Variants in FSD1L observed in about 807,000 individuals in gnomAD.
FSD1L encodes the protein FSD1-like protein.
FSD1L carries 45 observed loss-of-function variants against 71.6 expected under a neutral mutation model. The ratio of observed to expected loss-of-function variants is 0.63; its 90% confidence interval spans 0.49 to 0.81. The LOEUF is 0.81. Among genes scored for constraint, FSD1L ranks in the 30% least tolerant of loss-of-function variants. The pLI, the probability that FSD1L is intolerant of heterozygous loss-of-function variation, is 0.00. For missense variants in FSD1L, 561 were observed against 618.1 expected (o/e 0.91, Z 0.98); for synonymous variants, 197 against 207.2 (o/e 0.95, Z 0.42).
At chr9:105,521,153 G>A in intron 10 of FSD1L, 1 of 1,613,946 alleles carries the variant, frequency 6.2e-7, no homozygotes, top group South Asian at 1.1e-5. Flanking sequence ...CTTTCATTAA[G>A]GCTCGTGTTA....
rs1837265529 is a variant in FSD1L, at chr9:105,551,604, T to C, written c.*5121T>C. 6.6e-6 allele frequency: 1 copy of C among 152,226 alleles called. No individual in the cohort carries two copies. Among genetic ancestry groups the C allele is most frequent in the African/African-American group, 2.4e-5 (1 of 41,468 alleles). The allele number at this position is 152,226 out of a possible 1,614,324, so 9.4% of individuals were successfully genotyped here. ...TTGATAAAGCGTGTGCTTAAAGTGG[T>C]ATCACCAGTGATTTCTAACATGATT... On this transcript the variant is annotated 3_prime_UTR_variant, in exon 14 of 14. Transcript: ENST00000481272.
In FSD1L at chr9:105,542,076, A is replaced by G. The variant is rs547111940; in HGVS notation, c.1467+2725A>G. Among the ~76,000 whole-genome samples the G allele has an allele frequency of 2.0e-5, 3 of 152,346 alleles. No homozygotes were observed. The East Asian group carries it at 5.8e-4, about 29-fold the overall frequency. On this transcript the variant is annotated intron_variant, in intron 13 of 13. Transcript: ENST00000481272. ...TGGGGCAGTTATGAATAAAATCACT[A>G]TAAGCATTTACATATGGGATTTTCC...
At chr9:105,500,496 C>T (rs185732064) in intron 7 of FSD1L, among the ~76,000 whole-genome samples, 20 of 152,280 alleles carry the variant, frequency 1.3e-4, no homozygotes, top group Non-Finnish European at 7.3e-5. Context: ...TTTCCCTTTC[C>T]CCAGGTCACT....
At chr9:105,538,852 A>G (rs1482056183) in intron 12 of FSD1L, among the ~76,000 whole-genome samples, 1 of 152,166 alleles carries the variant, frequency 6.6e-6, no homozygotes, top group Non-Finnish European at 1.5e-5. Context: ...CATCAGGTAG[A>G]TAGAAGACAA....
chr9:105,486,338 GGTTT>G (rs573462719), intron 7 of FSD1L, among the ~76,000 whole-genome samples: 326 of 152,184 alleles, frequency 2.1e-3, no homozygotes, highest in Non-Finnish European at 4.0e-3. Flanking sequence ...AATTTAAAAT[GGTTT>G]GTTCTTTTCA....
intron 7 of FSD1L, among the ~76,000 whole-genome samples, chr9:105,499,527 A>G (rs892524699): frequency 2.0e-5 from 3 of 151,912 alleles, no homozygotes; most frequent in African/African-American, 7.3e-5. Flanking sequence ...GATAATTTCA[A>G]GGTATACAGA....
intron 10 of FSD1L, chr9:105,521,087 T>C: frequency 6.2e-7 from 1 of 1,613,646 alleles, no homozygotes; most frequent in Non-Finnish European, 8.5e-7. Context: ...AGCCACATTA[T>C]GTCATGATAA....
At chr9:105,489,302 T>G (rs533843223) in intron 7 of FSD1L, among the ~76,000 whole-genome samples, 2 of 152,262 alleles carry the variant, frequency 1.3e-5, no homozygotes, top group Non-Finnish European at 2.9e-5. Flanking sequence ...GCTTTGGAGT[T>G]CTGAGTAAAA....
At chr9:105,489,401 T>C (rs767893684) in intron 7 of FSD1L, among the ~76,000 whole-genome samples, 2 of 152,144 alleles carry the variant, frequency 1.3e-5, no homozygotes, top group Non-Finnish European at 1.5e-5. Flanking sequence ...AAATTATATT[T>C]AAAGAAATGT....
chr9:105,457,610 G>A (rs553812494), intron 1 of FSD1L, among the ~76,000 whole-genome samples: 62 of 152,358 alleles, frequency 4.1e-4, no homozygotes, highest in African/African-American at 1.1e-3. Context: ...TTCTTAACCA[G>A]CTAGAAACCT....
At chr9:105,504,677 C>A (rs1833948725) in intron 7 of FSD1L, among the ~76,000 whole-genome samples, 1 of 152,144 alleles carries the variant, frequency 6.6e-6, no homozygotes, top group African/African-American at 2.4e-5. Context: ...TGCATGTAAC[C>A]TATGCACATC....
At chr9:105,462,382 G>T (rs1372951006) in intron 2 of FSD1L, among the ~76,000 whole-genome samples, 1 of 151,468 alleles carries the variant, frequency 6.6e-6, no homozygotes, top group East Asian at 1.9e-4. Context: ...CACCACGCCT[G>T]CCTAATTTTT....
intron 10 of FSD1L, among the ~76,000 whole-genome samples, chr9:105,515,438 T>C (rs1834651713): frequency 1.3e-5 from 2 of 152,136 alleles, no homozygotes; most frequent in African/African-American, 2.4e-5. Context: ...CCCAGCAAGA[T>C]AGACGCAGAA....
At chr9:105,519,386 G>A (rs1834963542) in intron 10 of FSD1L, among the ~76,000 whole-genome samples, 1 of 152,132 alleles carries the variant, frequency 6.6e-6, no homozygotes, top group East Asian at 1.9e-4. Flanking sequence ...GATGAACATT[G>A]ATGCGAAAAT....
chr9:105,451,142 G>T (rs1438536806), intron 1 of FSD1L, among the ~76,000 whole-genome samples: 1 of 152,074 alleles, frequency 6.6e-6, no homozygotes, highest in Non-Finnish European at 1.5e-5. Flanking sequence ...TGTATTTTTA[G>T]TAGAGACGGG....
intron 5 of FSD1L, among the ~76,000 whole-genome samples, chr9:105,473,979 G>T (rs1831635152): frequency 6.6e-6 from 1 of 152,176 alleles, no homozygotes; most frequent in African/African-American, 2.4e-5. Flanking sequence ...TTGTCTTGCA[G>T]CAGTTTATAG....
chr9:105,517,869 C>T (rs376358868), intron 10 of FSD1L, among the ~76,000 whole-genome samples: 3 of 152,100 alleles, frequency 2.0e-5, no homozygotes, highest in African/African-American at 4.8e-5. Flanking sequence ...GACTGGCAAA[C>T]TGGATAAAGA....
At chr9:105,539,854 C>G (rs1227940597) in intron 13 of FSD1L, among the ~76,000 whole-genome samples, 1 of 151,986 alleles carries the variant, frequency 6.6e-6, no homozygotes, top group African/African-American at 2.4e-5. Context: ...TATAGTTTTC[C>G]ATTCTGTGAC....
At chr9:105,442,813 C>T (rs1829563552), upstream of FSD1L, among the ~76,000 whole-genome samples, 1 of 152,220 alleles carries the variant, frequency 6.6e-6, no homozygotes, top group Admixed American at 6.5e-5. Flanking sequence ...ATCTCACTAC[C>T]AAACAGTCTA....
Sources: gnomAD v4.1 joint callset for allele counts (sites outside exome capture counted in the v4.1 genomes callset) on GRCh38, gnomAD v4.1.1 for gene constraint, MANE v1.5 for transcripts, NCBI Gene and HGNC (gene_info 2026-07-23, HGNC 2026-07-21) for gene names.